HTT: variants seen among roughly 807,000 people sequenced by gnomAD.
HTT encodes huntington disease protein.
A neutral mutation model predicts 362.3 loss-of-function variants in HTT; 104 were observed. The ratio of observed to expected loss-of-function variants is 0.29; its 90% CI spans 0.24 to 0.34. The LOEUF (loss-of-function observed/expected upper bound fraction) is 0.34. HTT is among the 10% of genes least tolerant of loss of function. HTT has a pLI of 1.00. For missense variants in HTT, 3,301 were observed against 3,928.6 expected, an observed-to-expected ratio of 0.84 and a Z score of 4.27; for synonymous variants, 1,577 against 1,548.7, an observed-to-expected ratio of 1.02 and a Z score of -0.43.
chr4:3,167,517 A>T (rs1717776440), intron 29 of HTT, among the ~76,000 whole-genome samples: 2 of 152,226 alleles, frequency 1.3e-5, no homozygotes, highest in African/African-American at 4.8e-5. Context: ...TACTGAAATA[A>T]AAATCATCTA....
intron 35 of HTT, among the ~76,000 whole-genome samples, chr4:3,179,772 G>A (rs1718420156): frequency 6.8e-6 from 1 of 148,046 alleles, no homozygotes; most frequent in Admixed American, 6.8e-5. Flanking sequence ...GTGAGCGTAT[G>A]TGTCACTGAG....
rs1324465774 is a variant in HTT, at chr4:3,218,505, C to T, written c.7242+553C>T. Among the ~76,000 whole-genome samples the T allele has an allele frequency of 2.0e-5, 3 of 151,938 alleles. No homozygotes were observed. Among genetic ancestry groups the T allele is most frequent in the East Asian group, 1.9e-4 (1 of 5,184 alleles). On this transcript the variant is annotated intron_variant, in intron 52 of 66. Coordinates refer to ENST00000355072, the MANE Select transcript of HTT (RefSeq NM_001388492.1). This position sits in a 1 kb window ranked among gnomAD's most constrained non-coding sequence, Gnocchi z 4.4. ...AAAATTAGCCAGGTGTGGTGGTGTA[C>T]GCCTGTAATCCCAGCTACTCAGGAG...
chr4:3,119,887 A>G (rs1266246481), intron 8 of HTT, among the ~76,000 whole-genome samples: 2 of 152,290 alleles, frequency 1.3e-5, no homozygotes, highest in Non-Finnish European at 2.9e-5. Flanking sequence ...AAGGGGCCAG[A>G]TAGTAAATAT....
intron 37 of HTT, among the ~76,000 whole-genome samples, chr4:3,186,277 T>G (rs1718752947): frequency 1.3e-5 from 2 of 152,226 alleles, no homozygotes; most frequent in Non-Finnish European, 2.9e-5. Context: ...AAAATGTTGG[T>G]AATGATTGTG....
At chr4:3,099,197 C>A in intron 2 of HTT, 77 bp from the exon 3 acceptor site, 2 of 929,300 alleles carry the variant, frequency 2.2e-6, no homozygotes, top group Non-Finnish European at 3.4e-6. Context: ...CCATGCAGGA[C>A]ACCGGATACC....
intron 26 of HTT, among the ~76,000 whole-genome samples, chr4:3,151,795 C>T (rs1271777908): frequency 6.6e-6 from 1 of 152,190 alleles, no homozygotes; most frequent in African/African-American, 2.4e-5. Flanking sequence ...TATGCATGCA[C>T]CTGTACATGG....
At chr4:3,085,358 A>C (rs1439819982) in intron 1 of HTT, among the ~76,000 whole-genome samples, 1 of 152,056 alleles carries the variant, frequency 6.6e-6, no homozygotes, top group Non-Finnish European at 1.5e-5. Flanking sequence ...GCTGGTCTCG[A>C]ACTCCTGACC....
chr4:3,147,696 T>A (rs1018446675), intron 25 of HTT, among the ~76,000 whole-genome samples: 1 of 152,030 alleles, frequency 6.6e-6, no homozygotes, highest in African/African-American at 2.4e-5. Flanking sequence ...AGACACTGAT[T>A]GTAAGAGAAT....
At chr4:3,124,198 A>G (rs1189933454) in intron 10 of HTT, among the ~76,000 whole-genome samples, 1 of 152,216 alleles carries the variant, frequency 6.6e-6, no homozygotes, top group Non-Finnish European at 1.5e-5. Context: ...TTGAATTAGG[A>G]GAGATTTTGG....
intron 59 of HTT, 115 bp downstream of exon 59, chr4:3,229,124 A>C: frequency 9.8e-7 from 1 of 1,022,236 alleles, no homozygotes; most frequent in Non-Finnish European, 1.4e-6. Flanking sequence ...CACACCCCTC[A>C]TGCATGCAAC....
intron 42 of HTT, 59 bp downstream of exon 42, chr4:3,204,207 G>A: frequency 6.3e-7 from 1 of 1,585,110 alleles, no homozygotes; most frequent in Non-Finnish European, 8.6e-7. Context: ...AGAACATCCT[G>A]TGTAGATGAC....
At chr4:3,193,580 C>T (rs377347488) in intron 40 of HTT, among the ~76,000 whole-genome samples, 38 of 152,272 alleles carry the variant, frequency 2.5e-4, no homozygotes, top group African/African-American at 8.7e-4. Context: ...ATTTCCTCTC[C>T]TTCCATCTCA....
intron 31 of HTT, chr4:3,173,357 C>G: frequency 1.8e-6 from 1 of 547,690 alleles, no homozygotes; most frequent in East Asian, 3.2e-5. Flanking sequence ...TTGGGACTTA[C>G]ACATCTCAGA....
At chr4:3,143,451 A>G (rs919712291) in intron 23 of HTT, among the ~76,000 whole-genome samples, 59 of 150,614 alleles carry the variant, frequency 3.9e-4, no homozygotes, top group Middle Eastern at 3.4e-3. Context: ...AAAAAAAAAA[A>G]AAAAGAAAAG....
chr4:3,186,809 C>A, intron 38 of HTT, 90 bp downstream of exon 38: 17 of 946,940 alleles, frequency 1.8e-5, no homozygotes, highest in East Asian at 6.3e-5. Flanking sequence ...CTGAGTCAGT[C>A]AGTTTGGGTA....
Position 3,172,359 on chromosome 4 carries a change from A to G in HTT, c.3904A>G (p.Ser1302Gly). 1 of 1,611,708 alleles carries G rather than the reference A, an allele frequency of 6.2e-7. No individual in the cohort carries two copies. Among genetic ancestry groups the G allele is most frequent in the South Asian group, 1.1e-5 (1 of 91,034 alleles). The change falls in exon 30 of 67, where the codon AGT (serine) becomes GGT (glycine). Residue 1302 changes from serine (S) to glycine (G), a missense_variant. By Grantham distance (56) the Ser-to-Gly change is moderately conservative. This residue lies in a region of HTT where 2,316 missense variants were observed against 2,658.5 expected (regional missense o/e 0.87). Transcript: ENST00000355072. ...CCTAGGATACCTGAAATCCTGCTTT[A>G]GTCGAGAACCAATGATGGCAACTGT... ...EILGYLKSCF[S>G]REPMMATVCV...
Position 3,102,007 on chromosome 4 carries a change from G to C in HTT, c.469-1817G>C, listed in dbSNP as rs150181349. Among the ~76,000 whole-genome samples, 179 of 152,326 alleles carry C rather than the reference G, an allele frequency of 1.2e-3. 1 individual carries two copies. The highest frequency in any genetic ancestry group is 4.1e-3 in the African/African-American group (171 of 41,572). The stretch of plus-strand genomic sequence containing the variant: ...CTGCCAGAGAGTGGGACACCATGAG[G>C]GTCAGGTCAAGGGGTTGTACCTTGT... On this transcript the variant is annotated intron_variant, in intron 3 of 66. Transcript: ENST00000355072.
At chr4:3,106,874 G>A (rs1714458427) in intron 5 of HTT, among the ~76,000 whole-genome samples, 1 of 152,158 alleles carries the variant, frequency 6.6e-6, no homozygotes, top group African/African-American at 2.4e-5. Flanking sequence ...GTGACTCACT[G>A]CTCTGTGTCC....
At chr4:3,113,139 T>C (rs779290903) in intron 6 of HTT, 2 of 394,392 alleles carry the variant, frequency 5.1e-6, no homozygotes, top group Non-Finnish European at 6.9e-6. Context: ...TAGCGTGGCC[T>C]TGGGGCCTCC....
Sources: allele counts gnomAD v4.1 joint callset (sites outside exome capture counted in the v4.1 genomes callset), GRCh38; gene constraint gnomAD v4.1.1; regional missense constraint gnomAD v4.1.1; non-coding constraint Gnocchi (gnomAD v3.1); transcripts MANE v1.5; gene names NCBI Gene and HGNC (gene_info 2026-07-23, HGNC 2026-07-21).